The following CNTLN variants were observed in gnomAD, a reference collection of about 807,000 sequenced individuals.
CNTLN encodes the protein centlein, centrosomal protein.
CNTLN carries 212 observed loss-of-function variants against 180.0 expected under a neutral mutation model. The observed-to-expected ratio is 1.18, with a 90% CI of 1.05 to 1.32. The LOEUF (loss-of-function observed/expected upper bound fraction) is 1.32. CNTLN is among the 40% of genes most tolerant of loss of function. The pLI is 0.00. For synonymous variants in CNTLN, 722 were observed against 563.1 expected, an observed-to-expected ratio of 1.28 and a Z score of -3.99; for missense variants, 2,095 against 1,610.9, an observed-to-expected ratio of 1.30 and a Z score of -5.14.
intron 5 of CNTLN, among the ~76,000 whole-genome samples, chr9:17,266,441 G>A (rs1306705983): frequency 6.6e-6 from 1 of 152,082 alleles, no homozygotes; most frequent in African/African-American, 2.4e-5. Flanking sequence ...ATTTGCTGAG[G>A]AGAGCTTTGC....
In CNTLN at chr9:17,388,214, G is replaced by A; in HGVS notation, c.2040G>A (p.Glu680=). The A allele has an allele frequency of 6.2e-7, 1 of 1,612,532 alleles. No individual in the cohort carries two copies. The highest frequency in any genetic ancestry group is 1.1e-5 in the South Asian group (1 of 90,954). Residue 680 remains glutamate, a synonymous_variant, in exon 14 of 26, where the codon GAG becomes GAA. Transcript: ENST00000380647. The part of the protein sequence containing the change: ...EDDEVKRSTP[E]KNGKEMLEQT... ...ATGAGGTCAAGAGGAGTACTCCAGA[G>A]AAGAATGGAAAAGAAATGTTGGAGC...
At chr9:17,459,754 C>T (rs1356364887) in intron 19 of CNTLN, among the ~76,000 whole-genome samples, 1 of 151,658 alleles carries the variant, frequency 6.6e-6, no homozygotes, top group Non-Finnish European at 1.5e-5. Flanking sequence ...CATGGTCTTC[C>T]TTCTATGTGT....
intron 2 of CNTLN, among the ~76,000 whole-genome samples, chr9:17,181,628 C>G (rs1462187569): frequency 6.6e-6 from 1 of 152,164 alleles, no homozygotes. Flanking sequence ...ACATTATGAA[C>G]TCTGTATCTT....
rs537067452 is a variant in CNTLN at position 17,350,778 on chromosome 9, C to A, written c.1886+8334C>A. ...GCCACTCAGTCCATCATGAGGACCC[C>A]TTTCTATCCCTAATTGCTACTCAAA... is the stretch of plus-strand genomic sequence containing the variant. On this transcript the variant is annotated intron_variant, in intron 12 of 25. Coordinates refer to ENST00000380647, the MANE Select transcript of CNTLN (RefSeq NM_017738.4). Among the ~76,000 whole-genome samples the A allele has an allele frequency of 3.3e-5, 5 of 152,252 alleles. No individual in the cohort carries two copies. In the South Asian group the frequency reaches 1.0e-3, roughly 32 times the overall value.
At chr9:17,268,756 C>G (rs950161645) in intron 5 of CNTLN, among the ~76,000 whole-genome samples, 1 of 152,048 alleles carries the variant, frequency 6.6e-6, no homozygotes, top group Admixed American at 6.6e-5. Flanking sequence ...CACTCCTCCC[C>G]CAGCCTCGCT....
chr9:17,525,810 C>G, the CNTLN span, among the ~76,000 whole-genome samples: 1 of 152,116 alleles, frequency 6.6e-6, no homozygotes, highest in South Asian at 2.1e-4. Context: ...AATTACTAAA[C>G]AACTTTTTAA....
chr9:17,158,581 T>C (rs1819461503), intron 2 of CNTLN, among the ~76,000 whole-genome samples: 1 of 152,100 alleles, frequency 6.6e-6, no homozygotes, highest in African/African-American at 2.4e-5. Flanking sequence ...TCAGATTTTC[T>C]ATTTTTTCTT....
At chr9:17,323,699 G>T (rs1820074568) in intron 8 of CNTLN, among the ~76,000 whole-genome samples, 1 of 152,236 alleles carries the variant, frequency 6.6e-6, no homozygotes, top group Non-Finnish European at 1.5e-5. Context: ...TGTAACAGAT[G>T]TGGCAATATG....
chr9:17,249,452 C>T (rs555756586), intron 5 of CNTLN, among the ~76,000 whole-genome samples: 41 of 150,376 alleles, frequency 2.7e-4, no homozygotes, highest in African/African-American at 9.8e-4. Flanking sequence ...AGGTTCACAC[C>T]ATTCTCCTGC....
chr9:17,208,163 T>C lies in CNTLN; in HGVS notation c.450-18040T>C, dbSNP rs561479328. ...TCTTTTATACTCAGGTTTTTGAGGGTTTTTATCCTGAAGCAATGTTCAATT... is the reference window on the plus strand; with the variant it reads ...TCTTTTATACTCAGGTTTTTGAGGGCTTTTATCCTGAAGCAATGTTCAATT... On this transcript the variant is annotated intron_variant, in intron 2 of 25. Coordinates refer to ENST00000380647, the MANE Select transcript of CNTLN (RefSeq NM_017738.4). Among the ~76,000 whole-genome samples the C allele has an allele frequency of 1.5e-4, 23 of 152,318 alleles. 1 individual carries two copies. In the East Asian group the frequency reaches 4.1e-3, roughly 27 times the overall value.
intron 15 of CNTLN, among the ~76,000 whole-genome samples, chr9:17,398,254 T>G (rs111723020): frequency 1.1e-4 from 16 of 152,294 alleles, no homozygotes; most frequent in African/African-American, 3.8e-4. Context: ...AAGGGGCTCG[T>G]TGCCTTATGC....
chr9:17,166,983 C>A, intron 2 of CNTLN: 1 of 400,788 alleles, frequency 2.5e-6, no homozygotes, highest in Non-Finnish European at 5.0e-6. Flanking sequence ...CTCAATGAAG[C>A]AGGACTACAG....
chr9:17,528,140 G>T, the CNTLN span, among the ~76,000 whole-genome samples: 5 of 152,058 alleles, frequency 3.3e-5, no homozygotes, highest in East Asian at 9.7e-4. Context: ...AAAAGGGCTG[G>T]GGAAAACCCC....
In CNTLN at chr9:17,446,450, A is replaced by T. The variant is rs577524427; in HGVS notation, c.3115-11074A>T. On this transcript the variant is annotated intron_variant, in intron 18 of 25. Transcript: ENST00000380647. ...TATGAATTTGGAGCTGCAAATGATG[A>T]TCTTTAGCCTTTGACTCTATAACCC... is the stretch of plus-strand genomic sequence containing the variant. Among the ~76,000 whole-genome samples, 12 of 152,268 alleles carry T rather than the reference A, an allele frequency of 7.9e-5. No homozygotes were observed. The East Asian group carries it at 2.3e-3, about 29-fold the overall frequency.
intron 13 of CNTLN, among the ~76,000 whole-genome samples, chr9:17,383,149 A>G (rs934794793): frequency 1.3e-5 from 2 of 152,100 alleles, no homozygotes; most frequent in African/African-American, 2.4e-5. Flanking sequence ...TTGTACGTAT[A>G]TGTATATACA....
intron 2 of CNTLN, among the ~76,000 whole-genome samples, chr9:17,191,640 A>G (rs1310391912): frequency 1.3e-5 from 2 of 152,232 alleles, no homozygotes; most frequent in African/African-American, 4.8e-5. Flanking sequence ...AAGGAATAAT[A>G]TATGACATTT....
intron 18 of CNTLN, among the ~76,000 whole-genome samples, chr9:17,453,556 A>C (rs1830925851): frequency 6.6e-6 from 1 of 152,198 alleles, no homozygotes; most frequent in African/African-American, 2.4e-5. Context: ...ACAAATTACC[A>C]CAAATTTAGC....
intron 18 of CNTLN, among the ~76,000 whole-genome samples, chr9:17,438,824 A>G (rs1316808913): frequency 1.3e-5 from 2 of 152,230 alleles, no homozygotes; most frequent in Admixed American, 1.3e-4. Context: ...AGATAGGTAC[A>G]AAAGAGATAA....
intron 2 of CNTLN, among the ~76,000 whole-genome samples, chr9:17,175,907 C>T (rs898338641): frequency 6.6e-6 from 1 of 151,352 alleles, no homozygotes; most frequent in Non-Finnish European, 1.5e-5. Flanking sequence ...GTTTAGTGTC[C>T]GTGTTTGCAT....
Sources: gnomAD v4.1 joint callset for allele counts (sites outside exome capture counted in the v4.1 genomes callset) on GRCh38, gnomAD v4.1.1 for gene constraint, MANE v1.5 for transcripts, NCBI Gene and HGNC (gene_info 2026-07-23, HGNC 2026-07-21) for gene names.